GSDME: variants seen among roughly 807,000 people sequenced by gnomAD.
GSDME encodes the protein gasdermin E.
In GSDME, 44 loss-of-function variants were observed where a neutral mutation model predicts 47.5. The ratio of observed to expected loss-of-function variants is 0.93; its 90% CI spans 0.73 to 1.19. GSDME has a LOEUF of 1.19. Among genes scored for constraint, GSDME ranks in the 50% most tolerant of loss-of-function variants. The pLI, the probability that GSDME is intolerant of heterozygous loss-of-function variation, is 0.00. For synonymous variants in GSDME, 258 were observed against 252.8 expected (o/e 1.02, Z -0.20); for missense variants, 663 against 604.2 (o/e 1.10, Z -1.02).
At chr7:24,773,936 C>G in the GSDME span, among the ~76,000 whole-genome samples, 1 of 152,186 alleles carries the variant, frequency 6.6e-6, no homozygotes. This position sits in a 1 kb window ranked among gnomAD's most constrained non-coding sequence, Gnocchi z 5.4. Context: ...TTAAATTTTC[C>G]TGTGTTTACA....
the GSDME span, among the ~76,000 whole-genome samples, chr7:24,783,262 C>T: frequency 2.0e-5 from 3 of 152,216 alleles, no homozygotes; most frequent in Non-Finnish European, 4.4e-5. Flanking sequence ...AGAGCATTCA[C>T]ATCCTGGCTT....
chr7:24,719,484 C>T (rs941204609), intron 3 of GSDME, among the ~76,000 whole-genome samples: 1 of 152,102 alleles, frequency 6.6e-6, no homozygotes, highest in Non-Finnish European at 1.5e-5. Context: ...CGCCGGTTGT[C>T]AAGGAGAAGA....
At position 24,732,263 on chromosome 7, in the gene GSDME, A is replaced by G. The variant is rs1260835539; in HGVS notation, c.404+12299T>C. Among the ~76,000 whole-genome samples the G allele has an allele frequency of 2.6e-5, 4 of 152,250 alleles. No homozygotes were observed. The highest frequency in any genetic ancestry group is 2.6e-4 in the Admixed American group (4 of 15,286). The stretch of plus-strand genomic sequence containing the variant: ...CCCTCTGGTAGCCATTGGGAAATTG[A>G]TCAGGTAGGAAGGAAGCCCAGTTCA... On this transcript the variant is annotated intron_variant, in intron 3 of 9. Coordinates refer to ENST00000645220, the MANE Select transcript of GSDME (RefSeq NM_001127453.2). The surrounding 1 kb of genome is among the most constrained non-coding windows in gnomAD (Gnocchi z 4.8).
chr7:24,729,977 A>G (rs1271984641), intron 3 of GSDME, among the ~76,000 whole-genome samples: 1 of 152,214 alleles, frequency 6.6e-6, no homozygotes, highest in South Asian at 2.1e-4. Context: ...ATGGGAACAG[A>G]TAAGGTTGAT....
the GSDME span, among the ~76,000 whole-genome samples, chr7:24,764,172 T>C: frequency 0.13 from 19,945 of 152,150 alleles, 1,411 homozygotes; most frequent in Middle Eastern, 0.2. The surrounding 1 kb of genome is among the most constrained non-coding windows in gnomAD (Gnocchi z 4.4). Flanking sequence ...AAAAGACTAA[T>C]TGCAATGGAA....
chr7:24,761,377 T>A (rs1239953767), upstream of GSDME, among the ~76,000 whole-genome samples: 2 of 152,236 alleles, frequency 1.3e-5, no homozygotes, highest in Non-Finnish European at 2.9e-5. This position sits in a 1 kb window ranked among gnomAD's most constrained non-coding sequence, Gnocchi z 4.4. Context: ...CATCAGCAGA[T>A]TCGATGTCTG....
the GSDME span, among the ~76,000 whole-genome samples, chr7:24,769,168 T>C: frequency 3.3e-5 from 5 of 152,226 alleles, no homozygotes; most frequent in Admixed American, 1.3e-4. Context: ...AACCATTGTC[T>C]TGGAGAGACA....
Position 24,733,121 on chromosome 7 carries a change from G to A in GSDME, c.404+11441C>T, listed in dbSNP as rs996596783. Among the ~76,000 whole-genome samples the A allele has an allele frequency of 6.6e-6, 1 of 152,084 alleles. No individual in the cohort carries two copies. On this transcript the variant is annotated intron_variant, in intron 3 of 9. Transcript: ENST00000645220. This position sits in a 1 kb window ranked among gnomAD's most constrained non-coding sequence, Gnocchi z 4.3. ...GATAGGGCACCAGGCAGAGTTGTGAGGCCCCCACTGCAGACCCTAGCTGCC... is the reference window on the plus strand; with the variant it reads ...GATAGGGCACCAGGCAGAGTTGTGAAGCCCCCACTGCAGACCCTAGCTGCC...
At chr7:24,729,455 G>C (rs1209343374) in intron 3 of GSDME, among the ~76,000 whole-genome samples, 1 of 152,278 alleles carries the variant, frequency 6.6e-6, no homozygotes. Flanking sequence ...TTCCAGGAGG[G>C]AAACGGACAC....
At chr7:24,710,460 C>T in intron 5 of GSDME, 72 bp from the exon 6 acceptor site, 2 of 1,490,236 alleles carry the variant, frequency 1.3e-6, no homozygotes, top group East Asian at 4.5e-5. Context: ...TGGACAGGGT[C>T]AGCCCAGCCT....
chr7:24,793,473 GCCT>G, the GSDME span, among the ~76,000 whole-genome samples: 164 of 152,168 alleles, frequency 1.1e-3, no homozygotes, highest in African/African-American at 3.8e-3. Flanking sequence ...ACATTTTTAT[GCCT>G]CCTTATAATC....
At chr7:24,782,738 G>C in the GSDME span, among the ~76,000 whole-genome samples, 1 of 152,178 alleles carries the variant, frequency 6.6e-6, no homozygotes, top group African/African-American at 2.4e-5. Flanking sequence ...GTTGTTTCCT[G>C]ACTTTTTAAT....
rs767384467 is a variant in GSDME, at chr7:24,744,679, A to G, written c.287T>C (p.Leu96Pro). ...NHVSGTLETALGKVKLNLGGS... is the reference protein window; with the variant it reads ...NHVSGTLETAPGKVKLNLGGS... ...CCCCAGGTTCAGCTTGACCTTCCCC[A>G]GTGCAGTCTCCAGGGTTCCACTCAC... The change falls in exon 3 of 10, where the codon CTG (leucine) becomes CCG (proline). Residue 96 changes from leucine to proline, a missense_variant. Leu to Pro is a moderately conservative substitution (Grantham distance 98). Transcript: ENST00000645220. The surrounding 1 kb of genome is among the most constrained non-coding windows in gnomAD (Gnocchi z 4.5). 1.2e-6 allele frequency: 2 copies of G among 1,614,134 alleles called. No homozygotes were observed. The highest frequency in any genetic ancestry group is 3.3e-5 in the Admixed American group (2 of 60,008).
rs1307083804 is a variant in GSDME, at chr7:24,754,637, C to T, written c.-20+2759G>A. Among the ~76,000 whole-genome samples, 1 of 152,114 alleles carries T rather than the reference C, an allele frequency of 6.6e-6. No individual in the cohort carries two copies. The highest frequency in any genetic ancestry group is 1.5e-5 in the Non-Finnish European group (1 of 68,038). ...GACAAGAGACCTTGTGGGGCAGACA[C>T]CAAGAAAGCAGGACAATGACACAAA... is the stretch of plus-strand genomic sequence containing the variant. On this transcript the variant is annotated intron_variant, in intron 1 of 9. Transcript: ENST00000645220. This position sits in a 1 kb window ranked among gnomAD's most constrained non-coding sequence, Gnocchi z 5.0.
At chr7:24,737,331 G>A (rs1790341625) in intron 3 of GSDME, among the ~76,000 whole-genome samples, 1 of 151,774 alleles carries the variant, frequency 6.6e-6, no homozygotes, top group Non-Finnish European at 1.5e-5. Flanking sequence ...TAATACTACA[G>A]AAATTCAAAG....
intron 4 of GSDME, 33 bp from the exon 5 acceptor site, chr7:24,717,407 A>C (rs756279432): frequency 6.2e-7 from 1 of 1,613,924 alleles, no homozygotes; most frequent in Non-Finnish European, 8.5e-7. Context: ...CCACCTGTGC[A>C]CTCGGGCTCT....
chr7:24,698,958 A>C lies in GSDME; in HGVS notation c.*68T>G, dbSNP rs929465909. The C allele has an allele frequency of 2.8e-6, 3 of 1,057,370 alleles. No homozygotes were observed. In the East Asian group the frequency reaches 7.6e-5, roughly 27 times the overall value. The allele number at this position is 1,057,370 out of a possible 1,614,324, so 65.5% of individuals were successfully genotyped here. ...TTTCATTGGTCAACTTTTAACGTGC[A>C]TATGACCTTTAACAGTTCTGAAAAA... is the stretch of plus-strand genomic sequence containing the variant. On this transcript the variant is annotated 3_prime_UTR_variant, in exon 10 of 10. Transcript: ENST00000645220.
intron 2 of GSDME, among the ~76,000 whole-genome samples, chr7:24,746,445 G>A (rs1441078243): frequency 6.6e-6 from 1 of 150,404 alleles, no homozygotes; most frequent in Non-Finnish European, 1.5e-5. Flanking sequence ...TCTGCTGCGG[G>A]TTTATATATG....
chr7:24,726,025 T>C lies in GSDME; in HGVS notation c.405-6807A>G, dbSNP rs957644612. Among the ~76,000 whole-genome samples the C allele has an allele frequency of 9.2e-5, 14 of 152,130 alleles. No homozygotes were observed. Among genetic ancestry groups the C allele is most frequent in the Middle Eastern group, 6.8e-3 (2 of 294 alleles). On this transcript the variant is annotated intron_variant, in intron 3 of 9. Coordinates refer to ENST00000645220, the MANE Select transcript of GSDME (RefSeq NM_001127453.2). The surrounding 1 kb of genome is among the most constrained non-coding windows in gnomAD (Gnocchi z 5.6). ...GAAAAGGAGACCAGGCAGGAGCTGC[T>C]GGGAGGCGGCAGGCAGAGATGGAGG...
Sources: gnomAD v4.1 joint callset for allele counts (sites outside exome capture counted in the v4.1 genomes callset) on GRCh38, gnomAD v4.1.1 for gene constraint, Gnocchi (gnomAD v3.1) non-coding constraint, MANE v1.5 for transcripts, NCBI Gene and HGNC (gene_info 2026-07-23, HGNC 2026-07-21) for gene names.